Variants in COL19A1 observed in about 807,000 individuals in gnomAD.
COL19A1 encodes the protein collagen alpha-1(XIX) chain.
In COL19A1, 159 loss-of-function variants were observed where a neutral mutation model predicts 190.2. That is an observed-to-expected ratio of 0.84 (90% CI 0.73 to 0.95). COL19A1 has a LOEUF of 0.95. Ranked by LOEUF, COL19A1 falls within the 40% of genes least tolerant of loss-of-function variation. The pLI is 0.00. For synonymous variants in COL19A1, 509 were observed against 458.9 expected (o/e 1.11, Z -1.39); for missense variants, 1,418 against 1,431.9 (o/e 0.99, Z 0.16).
At chr6:70,141,701 A>G (rs779783874) in intron 20 of COL19A1, among the ~76,000 whole-genome samples, 192 bp from the exon 21 acceptor site, 1 of 152,102 alleles carries the variant, frequency 6.6e-6, no homozygotes, top group African/African-American at 2.4e-5. Flanking sequence ...TGAAGAAATC[A>G]AGAAAGTATT....
intron 14 of COL19A1, among the ~76,000 whole-genome samples, chr6:70,050,229 T>C (rs1314135625): frequency 6.6e-6 from 1 of 152,082 alleles, no homozygotes; most frequent in Admixed American, 6.6e-5. Flanking sequence ...CTCTTAGCTA[T>C]TGATGTTATT....
chr6:70,116,742 C>T (rs978803525), intron 16 of COL19A1, among the ~76,000 whole-genome samples: 3 of 151,912 alleles, frequency 2.0e-5, no homozygotes, highest in Admixed American at 2.0e-4. Flanking sequence ...GAAAATTAGT[C>T]CAAAGGACTT....
chr6:69,919,660 A>G (rs954687872), intron 4 of COL19A1, among the ~76,000 whole-genome samples: 2 of 152,196 alleles, frequency 1.3e-5, no homozygotes, highest in Non-Finnish European at 1.5e-5. Context: ...AAAGTCCTAT[A>G]CAGTGGAATT....
At chr6:70,108,563 T>A (rs1784105301) in intron 16 of COL19A1, among the ~76,000 whole-genome samples, 1 of 152,170 alleles carries the variant, frequency 6.6e-6, no homozygotes, top group South Asian at 2.1e-4. Flanking sequence ...TTTTAAAAAA[T>A]TATTTTCAGG....
chr6:70,006,196 T>A lies in COL19A1; in HGVS notation c.1027-17431T>A, dbSNP rs572099046. ...CTGTGGGGCTGGTTGCCCCTCACCCTGGGAGCTCAGCAGGCTTAAGCAGAT... is the reference window on the plus strand; with the variant it reads ...CTGTGGGGCTGGTTGCCCCTCACCCAGGGAGCTCAGCAGGCTTAAGCAGAT... On this transcript the variant is annotated intron_variant, in intron 11 of 50. Coordinates refer to ENST00000620364, the MANE Select transcript of COL19A1 (RefSeq NM_001858.6). Among the ~76,000 whole-genome samples, 3 of 152,304 alleles carry A rather than the reference T, an allele frequency of 2.0e-5. No homozygotes were observed. The East Asian group carries it at 5.8e-4, about 29-fold the overall frequency.
intron 15 of COL19A1, among the ~76,000 whole-genome samples, chr6:70,073,761 A>G (rs1781695240): frequency 6.6e-6 from 1 of 152,196 alleles, no homozygotes; most frequent in Non-Finnish European, 1.5e-5. Context: ...TTAAAGAAAG[A>G]TATGAAGATT....
intron 14 of COL19A1, among the ~76,000 whole-genome samples, chr6:70,060,391 C>A (rs919266140): frequency 2.0e-5 from 3 of 151,994 alleles, no homozygotes; most frequent in African/African-American, 7.3e-5. Flanking sequence ...GGTCCCCAAC[C>A]CCCGGGAAAA....
intron 36 of COL19A1, among the ~76,000 whole-genome samples, chr6:70,164,955 A>T (rs1368350452): frequency 6.6e-6 from 1 of 152,230 alleles, no homozygotes; most frequent in Non-Finnish European, 1.5e-5. Context: ...CTTTCGTTAC[A>T]AAAAATGGCA....
intron 9 of COL19A1, among the ~76,000 whole-genome samples, chr6:69,946,946 C>T (rs559722995): frequency 4.3e-4 from 66 of 151,976 alleles, no homozygotes; most frequent in African/African-American, 1.5e-3. Context: ...TGGAACACAG[C>T]CACACTCATT....
intron 4 of COL19A1, among the ~76,000 whole-genome samples, chr6:69,907,612 T>C (rs1460021746): frequency 6.6e-6 from 1 of 152,244 alleles, no homozygotes; most frequent in East Asian, 1.9e-4. Flanking sequence ...TATTTTCCAA[T>C]ATCTTCTGTA....
At chr6:70,047,544 C>T (rs903556514) in intron 14 of COL19A1, among the ~76,000 whole-genome samples, 4 of 152,000 alleles carry the variant, frequency 2.6e-5, no homozygotes, top group Non-Finnish European at 4.4e-5. Flanking sequence ...CTTTTCCTCT[C>T]GTGTTGAAAT....
chr6:70,038,249 T>G (rs552243549), intron 14 of COL19A1, among the ~76,000 whole-genome samples: 1 of 152,218 alleles, frequency 6.6e-6, no homozygotes, highest in Non-Finnish European at 1.5e-5. Context: ...CACGCTAAAA[T>G]CTACTGAAGA....
chr6:69,880,654 G>A (rs1458992924), intron 2 of COL19A1, among the ~76,000 whole-genome samples: 1 of 151,976 alleles, frequency 6.6e-6, no homozygotes, highest in Non-Finnish European at 1.5e-5. Context: ...TTTATTATTT[G>A]GCAGAAGGTG....
chr6:70,203,201 TCCACCCGAGGAATAGATA>T (rs1172234717), intron 49 of COL19A1, among the ~76,000 whole-genome samples: 3 of 152,140 alleles, frequency 2.0e-5, no homozygotes, highest in African/African-American at 7.2e-5. Flanking sequence ...CATCACCTAT[TCCACCCGAGGAATAGATA>T]CCACACCTAA....
chr6:69,983,280 T>C (rs1027047115), intron 11 of COL19A1, among the ~76,000 whole-genome samples: 1 of 152,152 alleles, frequency 6.6e-6, no homozygotes, highest in Non-Finnish European at 1.5e-5. Flanking sequence ...TGATGCTATT[T>C]TGAATACTTT....
intron 15 of COL19A1, among the ~76,000 whole-genome samples, chr6:70,095,434 G>A (rs1399074667): frequency 4.6e-5 from 7 of 152,170 alleles, no homozygotes; most frequent in Non-Finnish European, 5.9e-5. Flanking sequence ...GAATTGGAGA[G>A]AGGGTAGTAG....
intron 14 of COL19A1, among the ~76,000 whole-genome samples, chr6:70,050,912 T>A (rs1371142249): frequency 2.0e-5 from 3 of 152,130 alleles, no homozygotes; most frequent in Non-Finnish European, 4.4e-5. Context: ...TAAAGTCATA[T>A]TTTGCAAAAT....
intron 14 of COL19A1, among the ~76,000 whole-genome samples, chr6:70,036,887 A>G (rs948271903): frequency 6.6e-6 from 1 of 152,098 alleles, no homozygotes; most frequent in African/African-American, 2.4e-5. Flanking sequence ...TAATATTTAT[A>G]TTTATCTTTG....
intron 9 of COL19A1, among the ~76,000 whole-genome samples, chr6:69,955,376 G>A (rs1285574326): frequency 2.0e-5 from 3 of 151,894 alleles, no homozygotes; most frequent in African/African-American, 7.3e-5. Context: ...TAATTAATTT[G>A]AAAAAGGATT....
Sources: gnomAD v4.1 joint callset for allele counts (sites outside exome capture counted in the v4.1 genomes callset) on GRCh38, gnomAD v4.1.1 for gene constraint, MANE v1.5 for transcripts, NCBI Gene and HGNC (gene_info 2026-07-23, HGNC 2026-07-21) for gene names.